The following PBK variants were observed in gnomAD, a reference collection of about 807,000 sequenced individuals.
PBK encodes lymphokine-activated killer T-cell-originated protein kinase.
In PBK, 22 loss-of-function variants were observed where a neutral mutation model predicts 33.5. The ratio of observed to expected loss-of-function variants is 0.66; its 90% CI spans 0.47 to 0.94. The LOEUF is 0.94. Among genes scored for constraint, PBK ranks in the 40% least tolerant of loss-of-function variants. The pLI is 0.00. For missense variants in PBK, 376 were observed against 383.4 expected, an observed-to-expected ratio of 0.98 and a Z score of 0.16; for synonymous variants, 129 against 123.8, an observed-to-expected ratio of 1.04 and a Z score of -0.28.
chr8:27,836,820 G>A (rs1227381544), intron 1 of PBK, among the ~76,000 whole-genome samples: 1 of 152,168 alleles, frequency 6.6e-6, no homozygotes, highest in Non-Finnish European at 1.5e-5. Flanking sequence ...TTACGACTGA[G>A]TCCCACCTTC....
Position 27,810,439 on chromosome 8 carries a change from G to C in PBK, c.835C>G (p.Pro279Ala), listed in dbSNP as rs1805653272. 1.2e-6 allele frequency: 2 copies of C among 1,608,304 alleles called. No individual in the cohort carries two copies. Residue 279 changes from proline to alanine, a missense_variant, in exon 8 of 8, where the codon CCA (proline) becomes GCA (alanine). Transcript: ENST00000301905. ...EAYYAALGTR[P>A]PINMEELDES... ...TCCAGTTCTTCCATATTAATAGGTG[G>C]CCTAGTTCCCAACGCTGCATAGTAT...
intron 1 of PBK, among the ~76,000 whole-genome samples, chr8:27,837,440 A>C (rs1806247077): frequency 6.6e-6 from 1 of 152,198 alleles, no homozygotes; most frequent in Admixed American, 6.5e-5. Flanking sequence ...TGTGGGCCGC[A>C]TGACTCTCAG....
chr8:27,816,633 C>T (rs1805820882), intron 6 of PBK, among the ~76,000 whole-genome samples: 1 of 151,908 alleles, frequency 6.6e-6, no homozygotes, highest in South Asian at 2.1e-4. Context: ...GCCTCGGCCT[C>T]CCAAAGTGCT....
intron 6 of PBK, among the ~76,000 whole-genome samples, chr8:27,818,462 G>GT (rs1460354875): frequency 1.3e-5 from 2 of 152,152 alleles, no homozygotes; most frequent in Admixed American, 6.5e-5. Context: ...ATGGAGAAAC[G>GT]TTTAACAGAT....
At chr8:27,817,425 TA>T (rs1168019943) in intron 6 of PBK, among the ~76,000 whole-genome samples, 1 of 152,116 alleles carries the variant, frequency 6.6e-6, no homozygotes, top group Non-Finnish European at 1.5e-5. Flanking sequence ...AATCTGCATT[TA>T]AAATAAGAAA....
intron 3 of PBK, among the ~76,000 whole-genome samples, chr8:27,824,659 T>C (rs1009057290): frequency 6.6e-6 from 1 of 152,194 alleles, no homozygotes; most frequent in African/African-American, 2.4e-5. Context: ...GTGAGTTTAC[T>C]AAGCTTTCAA....
rs1192264753 is a variant in PBK at position 27,822,416 on chromosome 8, AG to A, written c.367del (p.Leu123Ter). The A allele has an allele frequency of 6.2e-7, 1 of 1,612,500 alleles. No homozygotes were observed. Among genetic ancestry groups the A allele is most frequent in the Non-Finnish European group, 8.5e-7 (1 of 1,178,798 alleles). ...LAMEYGGEKS[L>X]NDLIEERYKA... is the part of the protein sequence containing the mutation. ...ATATCGTTCTTCTATTAAGTCATTT[AG>A]AGACTTTTCACCTCCATATTCCATA... On this transcript the variant is annotated frameshift_variant, in exon 5 of 8. Coordinates refer to ENST00000301905, the MANE Select transcript of PBK (RefSeq NM_018492.4). LOFTEE classifies it high-confidence loss of function.
chr8:27,828,326 T>C, intron 2 of PBK, 128 bp from the exon 3 acceptor site: 2 of 454,532 alleles, frequency 4.4e-6, no homozygotes, highest in Non-Finnish European at 7.8e-6. Flanking sequence ...TGACAACATA[T>C]ATCCTAATTT....
chr8:27,823,710 T>TG (rs1338154634), intron 3 of PBK, among the ~76,000 whole-genome samples: 1 of 152,060 alleles, frequency 6.6e-6, no homozygotes, highest in Non-Finnish European at 1.5e-5. Context: ...TTTTACCACA[T>TG]GCTCAAAGAT....
intron 6 of PBK, among the ~76,000 whole-genome samples, chr8:27,815,178 A>T (rs1805786380): frequency 6.6e-6 from 1 of 151,108 alleles, no homozygotes; most frequent in Admixed American, 6.6e-5. Flanking sequence ...TGAAACTAAC[A>T]TTTAAAGAAC....
chr8:27,834,997 T>TA (rs1343921619), intron 1 of PBK, among the ~76,000 whole-genome samples: 2 of 152,052 alleles, frequency 1.3e-5, no homozygotes, highest in African/African-American at 2.4e-5. Context: ...AGAATTTTTT[T>TA]ATTTTAAAAA....
chr8:27,820,591 G>T lies in PBK; in HGVS notation c.569C>A (p.Ser190Tyr). ...AGTCATATTTTCATCCAGTGGTAGA[G>T]AGACTCCTACATCACAGATTTTAAT... The part of the protein sequence containing the change: ...ETIKICDVGV[S>Y]LPLDENMTVT... The change falls in exon 6 of 8, where the codon TCT becomes TAT. Residue 190 changes from serine (S) to tyrosine (Y), a missense_variant. Physicochemically the swap from Ser to Tyr is moderately radical, Grantham distance 144. Transcript: ENST00000301905. 6.3e-7 allele frequency: 1 copy of T among 1,582,958 alleles called. No individual in the cohort carries two copies. Among genetic ancestry groups the T allele is most frequent in the Non-Finnish European group, 8.6e-7 (1 of 1,156,124 alleles).
At chr8:27,832,999 A>G in intron 2 of PBK, 57 bp downstream of exon 2, 1 of 950,148 alleles carries the variant, frequency 1.1e-6, no homozygotes, top group Non-Finnish European at 1.6e-6. Flanking sequence ...TAATACTAGG[A>G]CATTTCTAAG....
rs555290379 is a variant in PBK, at chr8:27,817,440, A to G, written c.595+3125T>C. On this transcript the variant is annotated intron_variant, in intron 6 of 7. Coordinates refer to ENST00000301905, the MANE Select transcript of PBK (RefSeq NM_018492.4). Reference sequence around the variant, plus strand: ...AATCTGCATTTAAAATAAGAAAAATATTTTAAAATGTTTATGCCCTTGCAG... The same window carrying G: ...AATCTGCATTTAAAATAAGAAAAATGTTTTAAAATGTTTATGCCCTTGCAG... Among the ~76,000 whole-genome samples the G allele has an allele frequency of 5.1e-4, 77 of 152,184 alleles. No individual in the cohort carries two copies. In the Middle Eastern group the frequency reaches 0.014, roughly 27 times the overall value.
At chr8:27,820,123 GAAGA>G in intron 6 of PBK, among the ~76,000 whole-genome samples, 1 of 152,278 alleles carries the variant, frequency 6.6e-6, no homozygotes, top group South Asian at 2.1e-4. Context: ...ATGCAATAGA[GAAGA>G]AAGGGCAAAG....
At chr8:27,820,846 C>CGGA (rs1299407508) in intron 5 of PBK, 152 bp from the exon 6 acceptor site, 2 of 427,338 alleles carry the variant, frequency 4.7e-6, no homozygotes, top group African/African-American at 2.5e-5. Flanking sequence ...TTTTTTAAAA[C>CGGA]GGAGTCTCAC....
chr8:27,818,062 CT>C (rs1805852077), intron 6 of PBK, among the ~76,000 whole-genome samples: 1 of 152,160 alleles, frequency 6.6e-6, no homozygotes, highest in Non-Finnish European at 1.5e-5. Context: ...CTTTTTCACC[CT>C]CCCCATAATG....
chr8:27,833,869 C>T (rs1469212049), intron 1 of PBK, among the ~76,000 whole-genome samples: 1 of 152,056 alleles, frequency 6.6e-6, no homozygotes, highest in Non-Finnish European at 1.5e-5. Context: ...AACTCTGCAT[C>T]AGATGATGAA....
chr8:27,817,676 G>A (rs143807696), intron 6 of PBK, among the ~76,000 whole-genome samples: 1 of 151,576 alleles, frequency 6.6e-6, no homozygotes, highest in Non-Finnish European at 1.5e-5. Context: ...TTACTTCTTT[G>A]GACTGTGTTC....
Sources: gnomAD v4.1 joint callset for allele counts (sites outside exome capture counted in the v4.1 genomes callset) on GRCh38, gnomAD v4.1.1 for gene constraint, MANE v1.5 for transcripts, NCBI Gene and HGNC (gene_info 2026-07-23, HGNC 2026-07-21) for gene names.